Variants in PHACTR2 observed in about 807,000 individuals in gnomAD.
PHACTR2 encodes phosphatase and actin regulator 2.
PHACTR2 carries 30 observed loss-of-function variants against 76.0 expected under a neutral mutation model. The ratio of observed to expected loss-of-function variants is 0.39; its 90% CI spans 0.30 to 0.54. PHACTR2 has a LOEUF of 0.54. PHACTR2 is among the 20% of genes least tolerant of loss of function. The pLI is 0.61. For synonymous variants in PHACTR2, 292 were observed against 292.5 expected (o/e 1.00, Z 0.02); for missense variants, 696 against 781.1 (o/e 0.89, Z 1.30).
At chr6:143,651,050 A>T (rs1004350281) in intron 1 of PHACTR2, among the ~76,000 whole-genome samples, 6 of 147,010 alleles carry the variant, frequency 4.1e-5, no homozygotes, top group African/African-American at 1.1e-4. Flanking sequence ...CACTTTTTTT[A>T]AAAAAGATAT....
At chr6:143,593,171 G>A (rs1775712092) in intron 1 of PHACTR2, among the ~76,000 whole-genome samples, 1 of 152,014 alleles carries the variant, frequency 6.6e-6, no homozygotes, top group Admixed American at 6.6e-5. Flanking sequence ...ATCAGGTTGT[G>A]TGGTTGTGTA....
intron 1 of PHACTR2, 120 bp from the exon 2 acceptor site, chr6:143,711,896 A>G: frequency 1.1e-6 from 1 of 869,776 alleles, no homozygotes; most frequent in Non-Finnish European, 2.0e-6. Context: ...AATAAACTTT[A>G]TGTGAGATTC....
rs921119405 is a variant in PHACTR2 at position 143,621,717 on chromosome 6, G to C, written c.13+13395G>C. ...CCTCACTTTCCTCATCTGTAGTTTA[G>C]GGTTGATTGTACTTGGCTTGAGTAG... is the stretch of plus-strand genomic sequence containing the variant. On this transcript the variant is annotated intron_variant, in intron 1 of 11. Transcript: ENST00000305766. The surrounding 1 kb of genome is among the most constrained non-coding windows in gnomAD (Gnocchi z 4.1). 2.6e-5 allele frequency among the ~76,000 whole-genome samples: 4 copies of C among 152,122 alleles called. No homozygotes were observed. The highest frequency in any genetic ancestry group is 4.4e-5 in the Non-Finnish European group (3 of 68,010).
chr6:143,565,263 T>A (rs915577911), intron 1 of PHACTR2, among the ~76,000 whole-genome samples: 7 of 152,082 alleles, frequency 4.6e-5, no homozygotes, highest in African/African-American at 1.7e-4. Context: ...CAAAAATACA[T>A]AATATGTTAG....
chr6:143,786,327 C>T (rs1282703736), intron 10 of PHACTR2, among the ~76,000 whole-genome samples: 1 of 152,202 alleles, frequency 6.6e-6, no homozygotes. Flanking sequence ...CAACAAGTTC[C>T]TTATCTCCAT....
At chr6:143,810,100 A>C (rs2328517) in intron 12 of PHACTR2, among the ~76,000 whole-genome samples, 1 of 152,080 alleles carries the variant, frequency 6.6e-6, no homozygotes, top group African/African-American at 2.4e-5. Flanking sequence ...AACAGAAAGA[A>C]ATCCTGTCTC....
At position 143,750,298 on chromosome 6, in the gene PHACTR2, A is replaced by G. The variant is rs181962031; in HGVS notation, c.295+1233A>G. 1.3e-5 allele frequency among the ~76,000 whole-genome samples: 2 copies of G among 152,256 alleles called. No individual in the cohort carries two copies. The highest frequency in any genetic ancestry group is 3.9e-4 in the East Asian group (2 of 5,180). On this transcript the variant is annotated intron_variant, in intron 3 of 12. Transcript: ENST00000440869. The surrounding 1 kb of genome is among the most constrained non-coding windows in gnomAD (Gnocchi z 4.6). ...CCTGTTTTTCTATTATTTTGAAGCT[A>G]TTTATTTCCTGTTTGAGACTTTTAA...
rs561782211 is a variant in PHACTR2 at position 143,787,172 on chromosome 6, C to T, written c.1708-1601C>T. Reference sequence around the variant, plus strand: ...GCCTCCACCATACATAGCTCCATGCCGTAGGTGCAGGTCAGCCCGTAGCAC... The same window carrying T: ...GCCTCCACCATACATAGCTCCATGCTGTAGGTGCAGGTCAGCCCGTAGCAC... On this transcript the variant is annotated intron_variant, in intron 10 of 12. Transcript: ENST00000440869. This position sits in a 1 kb window ranked among gnomAD's most constrained non-coding sequence, Gnocchi z 4.6. 2.6e-5 allele frequency among the ~76,000 whole-genome samples: 4 copies of T among 152,302 alleles called. No homozygotes were observed. Among genetic ancestry groups the T allele is most frequent in the South Asian group, 4.1e-4 (2 of 4,824 alleles).
chr6:143,582,043 G>A lies in PHACTR2; in HGVS notation c.217+44836G>A, dbSNP rs542108426. Among the ~76,000 whole-genome samples the A allele has an allele frequency of 5.9e-5, 9 of 152,266 alleles. No homozygotes were observed. In the East Asian group the frequency reaches 1.7e-3, roughly 29 times the overall value. ...AATATGAGGAAAAGCTAGAAAAAAA[G>A]ACCTATCACTCTCATAAAAATTCAT... is the stretch of plus-strand genomic sequence containing the variant. On this transcript the variant is annotated intron_variant, in intron 1 of 11. Coordinates refer to the PHACTR2 transcript ENST00000367584.
chr6:143,772,607 TAA>T lies in PHACTR2; in HGVS notation c.1432+152_1432+153del. 1.5e-6 allele frequency: 1 copy of T among 649,092 alleles called. No individual in the cohort carries two copies. Among genetic ancestry groups the T allele is most frequent in the South Asian group, 2.0e-5 (1 of 50,924 alleles). The allele number at this position is 649,092 out of a possible 1,614,324, so 40.2% of individuals were successfully genotyped here. A position where few individuals can be genotyped will look rare whatever the true frequency, so the allele number is the denominator to read the frequency against. ...TCTCAAATTAGAAATGTGTATATCC[TAA>T]AGTTTAGCTTTTGATGGGAGGCCTT... On this transcript the variant is annotated intron_variant, in intron 7 of 12. Coordinates refer to ENST00000440869, the MANE Select transcript of PHACTR2 (RefSeq NM_001100164.2). The surrounding 1 kb of genome is among the most constrained non-coding windows in gnomAD (Gnocchi z 5.4).
At position 143,539,738 on chromosome 6, in the gene PHACTR2, G is replaced by A. The variant is rs1781155088; in HGVS notation, c.217+2531G>A. ...TCTGTGGCCTCATCTCAGAATCTCA[G>A]GCCCCACCCTAGGCCTGCTTAACTG... On this transcript the variant is annotated intron_variant, in intron 1 of 11. Coordinates refer to the PHACTR2 transcript ENST00000367584. The surrounding 1 kb of genome is among the most constrained non-coding windows in gnomAD (Gnocchi z 4.3). 6.6e-6 allele frequency among the ~76,000 whole-genome samples: 1 copy of A among 152,156 alleles called. No homozygotes were observed. Among genetic ancestry groups the A allele is most frequent in the Admixed American group, 6.5e-5 (1 of 15,284 alleles).
intron 5 of PHACTR2, among the ~76,000 whole-genome samples, chr6:143,763,649 G>T (rs962556885): frequency 2.6e-5 from 4 of 152,174 alleles, no homozygotes; most frequent in Non-Finnish European, 5.9e-5. Context: ...AAACCATAGG[G>T]ATTCCTTTTA....
At chr6:143,563,720 G>A (rs910122298) in intron 1 of PHACTR2, among the ~76,000 whole-genome samples, 4 of 151,620 alleles carry the variant, frequency 2.6e-5, no homozygotes, top group African/African-American at 7.3e-5. Flanking sequence ...TTCTGGCTGC[G>A]CACGGTGGCT....
chr6:143,602,124 C>T lies in PHACTR2; in HGVS notation c.217+64917C>T, dbSNP rs1333461742. Among the ~76,000 whole-genome samples the T allele has an allele frequency of 3.9e-5, 6 of 152,048 alleles. No homozygotes were observed. The highest frequency in any genetic ancestry group is 1.4e-4 in the African/African-American group (6 of 41,400). On this transcript the variant is annotated intron_variant, in intron 1 of 11. Transcript: ENST00000367584. This position sits in a 1 kb window ranked among gnomAD's most constrained non-coding sequence, Gnocchi z 6.1. ...CTCATTGTGCTGCCTAACATTAGTT[C>T]CTTTAGTTTTGTTTTCACTCTCGCT...
Position 143,546,750 on chromosome 6 carries a change from G to A in PHACTR2, c.217+9543G>A, listed in dbSNP as rs1405580430. 1.3e-5 allele frequency among the ~76,000 whole-genome samples: 2 copies of A among 152,010 alleles called. No individual in the cohort carries two copies. The highest frequency in any genetic ancestry group is 2.9e-5 in the Non-Finnish European group (2 of 68,014). ...TGATAAAGAATGTGATTTAGCCTGGGCGCAGTGGCTTACACATGTAATCCC... is the reference window on the plus strand; with the variant it reads ...TGATAAAGAATGTGATTTAGCCTGGACGCAGTGGCTTACACATGTAATCCC... On this transcript the variant is annotated intron_variant, in intron 1 of 11. Coordinates refer to the PHACTR2 transcript ENST00000367584. This position sits in a 1 kb window ranked among gnomAD's most constrained non-coding sequence, Gnocchi z 4.9.
chr6:143,830,049 G>C lies in PHACTR2; in HGVS notation c.*6360G>C, dbSNP rs1776630127. On this transcript the variant is annotated 3_prime_UTR_variant, in exon 13 of 13. Transcript: ENST00000440869. ...TTTGACTATGTCATTATGTTGTTTA[G>C]AGAGCCTCCACAATGAGAAGTTGCC... is the stretch of plus-strand genomic sequence containing the variant. 1 of 152,144 alleles carries C rather than the reference G, an allele frequency of 6.6e-6. No individual in the cohort carries two copies. Among genetic ancestry groups the C allele is most frequent in the Non-Finnish European group, 1.5e-5 (1 of 68,032 alleles). The allele number at this position is 152,144 out of a possible 1,614,324, so 9.4% of individuals were successfully genotyped here.
intron 1 of PHACTR2, among the ~76,000 whole-genome samples, chr6:143,640,466 T>A (rs550938075): frequency 6.6e-6 from 1 of 152,252 alleles, no homozygotes; most frequent in South Asian, 2.1e-4. Context: ...GCTATCTAGC[T>A]AGATGCGTTT....
In PHACTR2 at chr6:143,653,740, T is replaced by G. The variant is rs1344787738; in HGVS notation, c.13+45418T>G. Among the ~76,000 whole-genome samples the G allele has an allele frequency of 2.6e-5, 4 of 151,964 alleles. No homozygotes were observed. Among genetic ancestry groups the G allele is most frequent in the East Asian group, 1.9e-4 (1 of 5,196 alleles). ...ACTCAAGATTGATCAAAGACCTAGATGTAAGAGCTAAAACTATAACAGGCT... is the reference window on the plus strand; with the variant it reads ...ACTCAAGATTGATCAAAGACCTAGAGGTAAGAGCTAAAACTATAACAGGCT... On this transcript the variant is annotated intron_variant, in intron 1 of 11. Coordinates refer to the PHACTR2 transcript ENST00000305766. The surrounding 1 kb of genome is among the most constrained non-coding windows in gnomAD (Gnocchi z 4.9).
At position 143,772,365 on chromosome 6, in the gene PHACTR2, GGGAATA is replaced by G; in HGVS notation, c.1341_1346del (p.Arg447_Tyr449delinsSer). On this transcript the variant is annotated inframe_deletion, in exon 7 of 13. Transcript: ENST00000440869. This position sits in a 1 kb window ranked among gnomAD's most constrained non-coding sequence, Gnocchi z 5.4. ...AGTGCCTCAGAAGATGAAGGCCACAGGGAATACCAAGCCAATGACTCTGACTCGGAC... is the reference window on the plus strand; with the variant it reads ...AGTGCCTCAGAAGATGAAGGCCACAGCCAAGCCAATGACTCTGACTCGGAC... The G allele has an allele frequency of 1.9e-6, 3 of 1,614,086 alleles. No homozygotes were observed. Among genetic ancestry groups the G allele is most frequent in the Non-Finnish European group, 2.5e-6 (3 of 1,179,952 alleles).
Sources: allele counts gnomAD v4.1 joint callset (sites outside exome capture counted in the v4.1 genomes callset), GRCh38; gene constraint gnomAD v4.1.1; non-coding constraint Gnocchi (gnomAD v3.1); transcripts MANE v1.5; gene names NCBI Gene and HGNC (gene_info 2026-07-23, HGNC 2026-07-21).